CTIF: variants seen among roughly 807,000 people sequenced by gnomAD.
CTIF encodes the protein CBP80/20-dependent translation initiation factor.
In CTIF, 21 loss-of-function variants were observed where a neutral mutation model predicts 66.0. The ratio of observed to expected loss-of-function variants is 0.32; its 90% confidence interval spans 0.23 to 0.46. CTIF has a LOEUF of 0.46. Ranked by LOEUF, CTIF falls within the 20% of genes least tolerant of loss-of-function variation. CTIF has a pLI of 1.00. For synonymous variants in CTIF, 345 were observed against 326.4 expected, an observed-to-expected ratio of 1.06 and a Z score of -0.62; for missense variants, 739 against 812.7, an observed-to-expected ratio of 0.91 and a Z score of 1.10.
At chr18:48,663,670 C>A (rs1320516443) in intron 3 of CTIF, 82 bp from the exon 4 acceptor site, 2 of 1,311,278 alleles carry the variant, frequency 1.5e-6, no homozygotes, top group Non-Finnish European at 2.2e-6. Flanking sequence ...TCCAGCCCCC[C>A]AGCCCCTCAG....
chr18:48,708,460 G>GC (rs1320960064), intron 6 of CTIF, among the ~76,000 whole-genome samples: 1 of 152,180 alleles, frequency 6.6e-6, no homozygotes, highest in African/African-American at 2.4e-5. Flanking sequence ...TCAACACAGT[G>GC]CCCCCCATTG....
chr18:48,660,025 C>T (rs1294692255), intron 3 of CTIF, among the ~76,000 whole-genome samples: 2 of 150,528 alleles, frequency 1.3e-5, no homozygotes, highest in East Asian at 1.9e-4. Flanking sequence ...TGTGTGACTG[C>T]CATGGCTCTT....
intron 1 of CTIF, among the ~76,000 whole-genome samples, chr18:48,562,835 C>T (rs1030303607): frequency 2.0e-5 from 3 of 152,168 alleles, no homozygotes; most frequent in African/African-American, 7.2e-5. Flanking sequence ...TCAATAGTTG[C>T]CATGCCCCAC....
intron 1 of CTIF, among the ~76,000 whole-genome samples, chr18:48,573,207 G>A (rs1235002041): frequency 1.3e-5 from 2 of 152,126 alleles, no homozygotes; most frequent in African/African-American, 4.8e-5. Flanking sequence ...GTCACAAAAC[G>A]GCAGCCTCCA....
chr18:48,778,059 T>C (rs1038751633), intron 9 of CTIF, among the ~76,000 whole-genome samples: 1 of 152,192 alleles, frequency 6.6e-6, no homozygotes, highest in Non-Finnish European at 1.5e-5. Context: ...GTATGTTTTA[T>C]GGAACATTCT....
At chr18:48,856,726 C>T (rs1397043979) in intron 10 of CTIF, among the ~76,000 whole-genome samples, 5 of 152,140 alleles carry the variant, frequency 3.3e-5, no homozygotes, top group Non-Finnish European at 5.9e-5. Context: ...GACATAGAAT[C>T]GGGGGGAGTT....
intron 2 of CTIF, among the ~76,000 whole-genome samples, chr18:48,626,936 C>T (rs1403707315): frequency 6.6e-6 from 1 of 152,216 alleles, no homozygotes; most frequent in East Asian, 1.9e-4. Context: ...GGATTACAGG[C>T]GTGAGCCACT....
intron 6 of CTIF, among the ~76,000 whole-genome samples, chr18:48,702,774 A>G (rs963351567): frequency 1.3e-5 from 2 of 152,186 alleles, no homozygotes; most frequent in African/African-American, 4.8e-5. Flanking sequence ...TCCTTTCTGA[A>G]TCAGGTCAAC....
intron 1 of CTIF, among the ~76,000 whole-genome samples, chr18:48,541,789 T>C (rs1044342339): frequency 5.3e-5 from 8 of 152,126 alleles, no homozygotes; most frequent in African/African-American, 1.9e-4. Context: ...GCTAGAATAA[T>C]AATATGTTTG....
At chr18:48,749,201 C>T (rs953323436) in intron 7 of CTIF, among the ~76,000 whole-genome samples, 3 of 152,144 alleles carry the variant, frequency 2.0e-5, no homozygotes, top group Middle Eastern at 3.2e-3. Flanking sequence ...TCAATCAACT[C>T]GTAGGGTGAG....
chr18:48,566,220 T>C (rs2089277187), intron 1 of CTIF: 1 of 151,976 alleles, frequency 6.6e-6, no homozygotes, highest in Admixed American at 6.6e-5. Context: ...CAAGAGAAAG[T>C]GTGGTGTGTA....
rs982832808 is a variant in CTIF at position 48,639,147 on chromosome 18, G to A, written c.252+2462G>A. On this transcript the variant is annotated intron_variant, in intron 3 of 11. Transcript: ENST00000256413. The stretch of plus-strand genomic sequence containing the variant: ...CCATGCCTGGAGAGCCGGCTGGGAC[G>A]GAAGGGAAGGCTCAGTCAGAATGCT... 7.2e-5 allele frequency among the ~76,000 whole-genome samples: 11 copies of A among 152,380 alleles called. No individual in the cohort carries two copies. In the East Asian group the frequency reaches 7.7e-4, roughly 11 times the overall value.
In CTIF at chr18:48,606,159, G is replaced by T. The variant is rs554729017; in HGVS notation, c.-28-13379G>T. Among the ~76,000 whole-genome samples the T allele has an allele frequency of 3.9e-5, 6 of 152,304 alleles. No homozygotes were observed. The East Asian group carries it at 9.6e-4, about 24-fold the overall frequency. ...GCTTTCTCATACCCTCTAACCAGAA[G>T]AAGCCTTTGCAGCTCAAAAGGACTG... is the stretch of plus-strand genomic sequence containing the variant. On this transcript the variant is annotated intron_variant, in intron 1 of 11. Transcript: ENST00000256413.
chr18:48,676,427 C>T (rs2091630301), intron 6 of CTIF, among the ~76,000 whole-genome samples: 1 of 152,220 alleles, frequency 6.6e-6, no homozygotes, highest in Non-Finnish European at 1.5e-5. Context: ...ACTGACTTCT[C>T]GTTTTGCCTT....
At chr18:48,698,094 T>G (rs2092032061) in intron 6 of CTIF, among the ~76,000 whole-genome samples, 1 of 76,530 alleles carries the variant, frequency 1.3e-5, no homozygotes, top group Admixed American at 2.2e-4. Flanking sequence ...GTGGAAAATG[T>G]AGCCATCATT....
intron 2 of CTIF, among the ~76,000 whole-genome samples, chr18:48,620,724 T>C (rs1199350558): frequency 6.6e-6 from 1 of 152,216 alleles, no homozygotes. Context: ...GTGCGTGTTA[T>C]CCCATCTCCA....
chr18:48,737,590 A>T (rs2145718562), intron 7 of CTIF, among the ~76,000 whole-genome samples: 1 of 152,320 alleles, frequency 6.6e-6, no homozygotes, highest in South Asian at 2.1e-4. Context: ...AGCAGAAGGA[A>T]ATACATGAAC....
intron 7 of CTIF, among the ~76,000 whole-genome samples, chr18:48,750,523 C>T (rs1192941890): frequency 6.6e-6 from 1 of 152,262 alleles, no homozygotes; most frequent in Non-Finnish European, 1.5e-5. Context: ...GAAAAACAAT[C>T]CCCGAGCCCT....
At chr18:48,660,105 G>A (rs1267942491) in intron 3 of CTIF, among the ~76,000 whole-genome samples, 1 of 138,356 alleles carries the variant, frequency 7.2e-6, no homozygotes, top group Non-Finnish European at 1.5e-5. Context: ...CTCTCCCCAG[G>A]CTCCTCTGGG....
Sources: gnomAD v4.1 joint callset for allele counts (sites outside exome capture counted in the v4.1 genomes callset) on GRCh38, gnomAD v4.1.1 for gene constraint, MANE v1.5 for transcripts, NCBI Gene and HGNC (gene_info 2026-07-23, HGNC 2026-07-21) for gene names.